GRM1: variants seen among roughly 807,000 people sequenced by gnomAD.
The protein encoded by GRM1 is metabotropic glutamate receptor 1.
In GRM1, 33 loss-of-function variants were observed where a neutral mutation model predicts 90.9. That is an observed-to-expected ratio of 0.36 (90% confidence interval 0.28 to 0.49). The LOEUF (loss-of-function observed/expected upper bound fraction) is 0.49, where lower values mean the gene tolerates loss of function less well. GRM1 is among the 20% of genes least tolerant of loss of function. GRM1 has a pLI of 0.99. For missense variants in GRM1, 1,190 were observed against 1,534.3 expected, an observed-to-expected ratio of 0.78 and a Z score of 3.75; for synonymous variants, 700 against 613.2, an observed-to-expected ratio of 1.14 and a Z score of -2.09.
At chr6:146,165,169 G>A (rs965776132) in intron 2 of GRM1, among the ~76,000 whole-genome samples, 3 of 152,116 alleles carry the variant, frequency 2.0e-5, no homozygotes, top group African/African-American at 7.2e-5. Context: ...TGTAAAAAAT[G>A]GTTGAAATGG....
At chr6:146,404,146 T>C (rs1161636338) in intron 7 of GRM1, among the ~76,000 whole-genome samples, 4 of 152,146 alleles carry the variant, frequency 2.6e-5, no homozygotes, top group African/African-American at 9.6e-5. Flanking sequence ...CTGTAATTCT[T>C]CATGATATTT....
At chr6:146,346,938 A>G (rs1035825510) in intron 3 of GRM1, among the ~76,000 whole-genome samples, 2 of 152,184 alleles carry the variant, frequency 1.3e-5, no homozygotes, top group Non-Finnish European at 2.9e-5. Context: ...TGCTTCCCCG[A>G]ATGCTTCCTT....
chr6:146,078,142 ATT>A (rs1483732765), intron 1 of GRM1, among the ~76,000 whole-genome samples: 1 of 152,232 alleles, frequency 6.6e-6, no homozygotes, highest in African/African-American at 2.4e-5. Flanking sequence ...AGGAGTAAGC[ATT>A]GTCAGCAGAA....
intron 1 of GRM1, among the ~76,000 whole-genome samples, chr6:146,117,442 T>C (rs1775794069): frequency 6.6e-6 from 1 of 151,996 alleles, no homozygotes. Context: ...GACCTATTTG[T>C]TTATTTATTT....
chr6:146,331,205 A>G (rs1305244506), intron 3 of GRM1, among the ~76,000 whole-genome samples: 1 of 152,134 alleles, frequency 6.6e-6, no homozygotes, highest in African/African-American at 2.4e-5. Context: ...TCCAGTCACT[A>G]TTGGAAATGA....
At chr6:146,077,952 C>A (rs1244313224) in intron 1 of GRM1, among the ~76,000 whole-genome samples, 1 of 152,102 alleles carries the variant, frequency 6.6e-6, no homozygotes, top group Non-Finnish European at 1.5e-5. Flanking sequence ...AGATGTGAAG[C>A]TGAGAAAAGG....
chr6:146,097,964 G>T (rs1776927336), intron 1 of GRM1, among the ~76,000 whole-genome samples: 2 of 152,164 alleles, frequency 1.3e-5, no homozygotes, highest in Non-Finnish European at 2.9e-5. Flanking sequence ...ATTGACCACA[G>T]ATTATTCCTC....
chr6:146,315,301 C>T (rs2114954579), intron 3 of GRM1, among the ~76,000 whole-genome samples: 1 of 152,122 alleles, frequency 6.6e-6, no homozygotes, highest in Admixed American at 6.5e-5. Context: ...GTGGGAGGAT[C>T]ACTTGAGCCC....
In GRM1 at chr6:146,399,374, G is replaced by A. The variant is rs745330594; in HGVS notation, c.2335G>A (p.Ala779Thr). ...TGCCTTCAAGACCCGCAACGTGCCCGCCAACTTCAACGAGGCCAAATATAT... is the reference window on the plus strand; with the variant it reads ...TGCCTTCAAGACCCGCAACGTGCCCACCAACTTCAACGAGGCCAAATATAT... ...YYAFKTRNVP[A>T]NFNEAKYIAF... The change falls in exon 7 of 8, where the codon GCC (alanine) becomes ACC (threonine). Residue 779 changes from alanine to threonine, a missense_variant. Coordinates refer to ENST00000282753, the MANE Select transcript of GRM1 (RefSeq NM_001278064.2). The surrounding 1 kb of genome is among the most constrained non-coding windows in gnomAD (Gnocchi z 5.4). The A allele has an allele frequency of 5.0e-6, 8 of 1,613,936 alleles. No homozygotes were observed. The highest frequency in any genetic ancestry group is 1.6e-4 in the Middle Eastern group (1 of 6,084).
At chr6:146,120,116 T>C (rs1012878446) in intron 1 of GRM1, among the ~76,000 whole-genome samples, 1 of 152,220 alleles carries the variant, frequency 6.6e-6, no homozygotes, top group Non-Finnish European at 1.5e-5. Context: ...TGTTATTTCA[T>C]GGAGTAGTGC....
chr6:146,174,651 C>T (rs1004375168), intron 2 of GRM1, among the ~76,000 whole-genome samples: 4 of 152,132 alleles, frequency 2.6e-5, no homozygotes, highest in Non-Finnish European at 5.9e-5. Flanking sequence ...TAAACAAGAG[C>T]TCATTAACTA....
At chr6:146,281,581 C>A (rs1247144791) in intron 2 of GRM1, among the ~76,000 whole-genome samples, 2 of 152,112 alleles carry the variant, frequency 1.3e-5, no homozygotes, top group African/African-American at 4.8e-5. Context: ...TTATAATTAT[C>A]ATTTCTGGAG....
intron 6 of GRM1, among the ~76,000 whole-genome samples, chr6:146,397,248 C>T (rs932952600): frequency 6.6e-6 from 1 of 151,514 alleles, no homozygotes; most frequent in African/African-American, 2.4e-5. Context: ...TTTGGGAGGC[C>T]GAGGCAGGCT....
At chr6:146,118,163 G>C (rs1358154872) in intron 1 of GRM1, among the ~76,000 whole-genome samples, 3 of 106,096 alleles carry the variant, frequency 2.8e-5, no homozygotes, top group South Asian at 2.8e-4. Flanking sequence ...TTTTTGAGTC[G>C]GAGTCTCACT....
At chr6:146,271,033 C>G (rs1329393473) in intron 2 of GRM1, among the ~76,000 whole-genome samples, 2 of 148,602 alleles carry the variant, frequency 1.3e-5, no homozygotes, top group Admixed American at 6.8e-5. Flanking sequence ...AAGATGAAGT[C>G]TCACTCTGTC....
intron 2 of GRM1, among the ~76,000 whole-genome samples, chr6:146,287,770 A>G (rs969682505): frequency 6.6e-6 from 1 of 152,214 alleles, no homozygotes; most frequent in Admixed American, 6.5e-5. Context: ...CTGGTTTTGA[A>G]AAGGGAAAAG....
At position 146,150,019 on chromosome 6, in the gene GRM1, A is replaced by G. The variant is rs143861654; in HGVS notation, c.701-9329A>G. Reference sequence around the variant, plus strand: ...AGACCCATCATGCTGACTGTGTTAGAGGACTCAGCAGATGTTTGGATGGAG... The same window carrying G: ...AGACCCATCATGCTGACTGTGTTAGGGGACTCAGCAGATGTTTGGATGGAG... On this transcript the variant is annotated intron_variant, in intron 1 of 7. Coordinates refer to ENST00000282753, the MANE Select transcript of GRM1 (RefSeq NM_001278064.2). Among the ~76,000 whole-genome samples, 5 of 152,294 alleles carry G rather than the reference A, an allele frequency of 3.3e-5. No individual in the cohort carries two copies. In the East Asian group the frequency reaches 9.7e-4, roughly 29 times the overall value.
chr6:146,311,717 TATAAAC>T (rs1180213923), intron 3 of GRM1, among the ~76,000 whole-genome samples: 1 of 152,222 alleles, frequency 6.6e-6, no homozygotes, highest in Non-Finnish European at 1.5e-5. Flanking sequence ...GTTTATTTCT[TATAAAC>T]ATAATAGTAA....
At chr6:146,305,829 G>A (rs557353574) in intron 3 of GRM1, among the ~76,000 whole-genome samples, 1 of 152,294 alleles carries the variant, frequency 6.6e-6, no homozygotes, top group African/African-American at 2.4e-5. Context: ...ATAGAGAAGC[G>A]TATAATCCAT....
Sources: allele counts gnomAD v4.1 joint callset (sites outside exome capture counted in the v4.1 genomes callset), GRCh38; gene constraint gnomAD v4.1.1; non-coding constraint Gnocchi (gnomAD v3.1); transcripts MANE v1.5; gene names NCBI Gene and HGNC (gene_info 2026-07-23, HGNC 2026-07-21).